CAMTA1: variants seen among roughly 807,000 people sequenced by gnomAD.
CAMTA1 encodes the protein calmodulin binding transcription activator 1.
A neutral mutation model predicts 170.9 loss-of-function variants in CAMTA1; 27 were observed. The ratio of observed to expected loss-of-function variants is 0.16; its 90% CI spans 0.12 to 0.22. The LOEUF is 0.22. Ranked by LOEUF, CAMTA1 falls within the 10% of genes least tolerant of loss-of-function variation. The pLI is 1.00. For missense variants in CAMTA1, 1,619 were observed against 2,217.2 expected (o/e 0.73, Z 5.42); for synonymous variants, 833 against 891.5 (o/e 0.93, Z 1.17).
intron 5 of CAMTA1, among the ~76,000 whole-genome samples, chr1:7,378,646 G>A (rs1401231042): frequency 1.3e-5 from 2 of 152,106 alleles, no homozygotes; most frequent in Non-Finnish European, 2.9e-5. Flanking sequence ...TTTCCTTTCA[G>A]GGTGATGAAA....
At chr1:7,470,614 A>G (rs2093312778) in intron 6 of CAMTA1, among the ~76,000 whole-genome samples, 1 of 152,172 alleles carries the variant, frequency 6.6e-6, no homozygotes, top group African/African-American at 2.4e-5. Context: ...TGGGCTGGCC[A>G]TGCTCTCTCA....
chr1:7,446,678 A>G (rs2092689576), intron 5 of CAMTA1, among the ~76,000 whole-genome samples: 1 of 152,208 alleles, frequency 6.6e-6, no homozygotes. Flanking sequence ...AGGCTCTCCC[A>G]CAGTAGGGGC....
chr1:7,557,265 G>A (rs867711604), intron 6 of CAMTA1, among the ~76,000 whole-genome samples: 5 of 150,780 alleles, frequency 3.3e-5, no homozygotes, highest in Admixed American at 6.6e-5. Flanking sequence ...CTGAGATCAC[G>A]CCACTGCACT....
intron 3 of CAMTA1, among the ~76,000 whole-genome samples, chr1:6,955,350 G>T (rs1013624240): frequency 6.6e-6 from 1 of 152,142 alleles, no homozygotes; most frequent in Admixed American, 6.5e-5. Flanking sequence ...TGACCCTTAG[G>T]AAGCTAGGGG....
chr1:7,026,245 C>T (rs566433122), intron 3 of CAMTA1, among the ~76,000 whole-genome samples: 2 of 152,110 alleles, frequency 1.3e-5, no homozygotes, highest in African/African-American at 2.4e-5. Context: ...GCACAAAGAG[C>T]GAGGCGTGAG....
In CAMTA1 at chr1:7,502,387, G is replaced by A. The variant is rs950900666; in HGVS notation, c.510+34486G>A. On this transcript the variant is annotated intron_variant, in intron 6 of 22. Transcript: ENST00000303635. ...AGCCTAGGCAGGATGTAGTACACGA[G>A]TTCTCCAGAGGAAATGCATTCAATA... 3.3e-5 allele frequency among the ~76,000 whole-genome samples: 5 copies of A among 152,214 alleles called. No homozygotes were observed. In the South Asian group the frequency reaches 1.0e-3, roughly 31 times the overall value.
At chr1:7,656,822 T>A (rs2095907705) in intron 7 of CAMTA1, among the ~76,000 whole-genome samples, 1 of 152,248 alleles carries the variant, frequency 6.6e-6, no homozygotes, top group African/African-American at 2.4e-5. Flanking sequence ...GGCCACACGC[T>A]GTTGTCATTG....
chr1:7,057,616 C>T (rs61780953), intron 3 of CAMTA1, among the ~76,000 whole-genome samples: 156 of 152,278 alleles, frequency 1.0e-3, no homozygotes, highest in Non-Finnish European at 1.8e-3. Context: ...AGCCTGTCAT[C>T]GGGCTGGAGG....
At chr1:7,442,002 G>A (rs1209616945) in intron 5 of CAMTA1, among the ~76,000 whole-genome samples, 1 of 152,082 alleles carries the variant, frequency 6.6e-6, no homozygotes, top group Non-Finnish European at 1.5e-5. Context: ...CCATCCTCTT[G>A]TTACCCCACC....
At chr1:7,602,122 T>TCCTG (rs2095450956) in intron 6 of CAMTA1, among the ~76,000 whole-genome samples, 1 of 126,920 alleles carries the variant, frequency 7.9e-6, no homozygotes, top group Non-Finnish European at 1.6e-5. Flanking sequence ...CTTCCTTCCT[T>TCCTG]CCTTCCTTCC....
At chr1:7,612,928 T>C (rs1371532196) in intron 6 of CAMTA1, among the ~76,000 whole-genome samples, 1 of 152,174 alleles carries the variant, frequency 6.6e-6, no homozygotes, top group East Asian at 1.9e-4. Context: ...GAGGGCCTGC[T>C]CCCCAGGAGT....
chr1:7,267,009 G>A (rs550751810), intron 5 of CAMTA1, among the ~76,000 whole-genome samples: 72 of 152,308 alleles, frequency 4.7e-4, no homozygotes, highest in Middle Eastern at 3.4e-3. Context: ...GGAAGGCAGT[G>A]GGGGAGGTTC....
Position 6,796,741 on chromosome 1 carries a change from A to T in CAMTA1, c.45+11166A>T, listed in dbSNP as rs372943731. Among the ~76,000 whole-genome samples, 3 of 152,184 alleles carry T rather than the reference A, an allele frequency of 2.0e-5. No homozygotes were observed. The East Asian group carries it at 5.8e-4, about 29-fold the overall frequency. The stretch of plus-strand genomic sequence containing the variant: ...GTTGACTCCGGTTTCTCCTCTAGGG[A>T]GGTCACTGCTTGCAGTTCAGTACTA... On this transcript the variant is annotated intron_variant, in intron 1 of 22. Transcript: ENST00000303635.
chr1:7,692,116 G>T (rs2096322864), intron 11 of CAMTA1, among the ~76,000 whole-genome samples: 1 of 152,154 alleles, frequency 6.6e-6, no homozygotes, highest in Non-Finnish European at 1.5e-5. Context: ...AGGCTGGGTA[G>T]GGTGTCCAGG....
At chr1:6,881,148 C>A (rs992699067) in intron 3 of CAMTA1, among the ~76,000 whole-genome samples, 5 of 152,024 alleles carry the variant, frequency 3.3e-5, no homozygotes, top group Non-Finnish European at 7.4e-5. Context: ...TCATTGGACT[C>A]CAGATTTCAT....
intron 5 of CAMTA1, among the ~76,000 whole-genome samples, chr1:7,266,494 A>G: frequency 6.6e-6 from 1 of 152,254 alleles, no homozygotes; most frequent in East Asian, 1.9e-4. Context: ...TAAGTCCACG[A>G]TGTGCCACAC....
intron 7 of CAMTA1, among the ~76,000 whole-genome samples, chr1:7,661,466 A>G (rs1418883621): frequency 6.6e-6 from 1 of 152,130 alleles, no homozygotes; most frequent in Non-Finnish European, 1.5e-5. Flanking sequence ...GCAGAACTCT[A>G]TGCGGTCCAC....
chr1:7,478,392 G>A (rs974985310), intron 6 of CAMTA1, among the ~76,000 whole-genome samples: 5 of 152,086 alleles, frequency 3.3e-5, no homozygotes, highest in Admixed American at 1.3e-4. Flanking sequence ...CACCCTCCCC[G>A]AGCCTCTCTG....
intron 4 of CAMTA1, among the ~76,000 whole-genome samples, chr1:7,104,849 AT>A (rs1279185448): frequency 6.6e-6 from 1 of 152,182 alleles, no homozygotes; most frequent in African/African-American, 2.4e-5. Flanking sequence ...GAGAGACTGC[AT>A]GGGGGGAATT....
Sources: gnomAD v4.1 joint callset for allele counts (sites outside exome capture counted in the v4.1 genomes callset) on GRCh38, gnomAD v4.1.1 for gene constraint, MANE v1.5 for transcripts, NCBI Gene and HGNC (gene_info 2026-07-23, HGNC 2026-07-21) for gene names.